TAFA2: variants seen among roughly 807,000 people sequenced by gnomAD.
TAFA2 encodes TAFA chemokine like family member 2, also known as chemokine-like protein TAFA-2.
TAFA2 carries 7 observed loss-of-function variants against 18.8 expected under a neutral mutation model. The observed-to-expected ratio is 0.37, with a 90% confidence interval of 0.21 to 0.70. TAFA2 has a LOEUF of 0.70. Among genes scored for constraint, TAFA2 ranks in the 30% least tolerant of loss-of-function variants. The probability of loss-of-function intolerance (pLI) is 0.53; values close to 1 mark genes in which losing one functional copy is unlikely to be tolerated. For missense variants in TAFA2, 122 were observed against 158.1 expected (o/e 0.77, Z 1.23); for synonymous variants, 60 against 54.2 (o/e 1.11, Z -0.47).
intron 1 of TAFA2, among the ~76,000 whole-genome samples, chr12:62,082,612 T>C (rs1592324566): frequency 6.6e-6 from 1 of 152,184 alleles, no homozygotes; most frequent in African/African-American, 2.4e-5. Context: ...CAAGTTTAGA[T>C]ATTTCTTCCA....
chr12:62,100,138 T>TACACAC (rs373455310), intron 1 of TAFA2, among the ~76,000 whole-genome samples: 4,229 of 145,744 alleles, frequency 0.029, 76 homozygotes, highest in East Asian at 0.065. Flanking sequence ...CAACTCCCTC[T>TACACAC]ACACACACAC....
intron 4 of TAFA2, among the ~76,000 whole-genome samples, chr12:61,712,968 T>C (rs1035766567): frequency 4.6e-5 from 7 of 152,150 alleles, no homozygotes; most frequent in African/African-American, 1.7e-4. Context: ...ACTATAAAAA[T>C]AAAAGGTCTG....
At chr12:62,108,855 G>C (rs1044752176) in intron 1 of TAFA2, among the ~76,000 whole-genome samples, 4 of 151,596 alleles carry the variant, frequency 2.6e-5, no homozygotes, top group Non-Finnish European at 4.4e-5. Context: ...CTAAATTTAA[G>C]TTCCTTGTAG....
At chr12:61,997,167 A>ATATGTGTGTGTGTGTGTGTG (rs1555182343) in intron 1 of TAFA2, among the ~76,000 whole-genome samples, 1 of 145,558 alleles carries the variant, frequency 6.9e-6, no homozygotes, top group Non-Finnish European at 1.5e-5. Context: ...ATATGTATAT[A>ATATGTGTGTGTGTGTGTGTG]TGTGTGTGTG....
rs532112798 is a variant in TAFA2 at position 61,942,112 on chromosome 12, G to A, written c.-1-74686C>T. ...AGCACGCAGCTGGAGATCTGAGAACGGGCAGACTGCCTCCTCAAGTGGGTC... is the reference window on the plus strand; with the variant it reads ...AGCACGCAGCTGGAGATCTGAGAACAGGCAGACTGCCTCCTCAAGTGGGTC... On this transcript the variant is annotated intron_variant, in intron 1 of 4. Transcript: ENST00000416284. Among the ~76,000 whole-genome samples, 226 of 151,000 alleles carry A rather than the reference G, an allele frequency of 1.5e-3. 3 individuals are homozygous for A. The highest frequency in any genetic ancestry group is 5.0e-3 in the African/African-American group (205 of 40,748).
chr12:61,893,309 G>A (rs1442926558), intron 1 of TAFA2, among the ~76,000 whole-genome samples: 1 of 152,196 alleles, frequency 6.6e-6, no homozygotes, highest in Non-Finnish European at 1.5e-5. Context: ...AGGAAAGTAG[G>A]AGGAACAGAA....
chr12:61,753,844 C>A, intron 3 of TAFA2, 98 bp from the exon 4 acceptor site: 1 of 1,084,902 alleles, frequency 9.2e-7, no homozygotes, highest in Middle Eastern at 2.3e-4. Context: ...ATTTTTCCTA[C>A]CAGTGGGAAT....
At chr12:62,109,935 G>T (rs1483175810) in intron 1 of TAFA2, among the ~76,000 whole-genome samples, 4 of 152,248 alleles carry the variant, frequency 2.6e-5, no homozygotes, top group Middle Eastern at 3.4e-3. Context: ...CAGAGTGAAT[G>T]TGACTTCCTC....
At chr12:62,125,808 A>G (rs77094296) in intron 1 of TAFA2, among the ~76,000 whole-genome samples, 2 of 152,016 alleles carry the variant, frequency 1.3e-5, no homozygotes, top group African/African-American at 4.8e-5. Context: ...AGTTACTTAA[A>G]CTTTTTGTTT....
At chr12:62,020,313 C>T (rs78166210) in intron 1 of TAFA2, among the ~76,000 whole-genome samples, 2,698 of 152,230 alleles carry the variant, frequency 0.018, 75 homozygotes, top group African/African-American at 0.061. Flanking sequence ...GGGAATATGC[C>T]CTCATTACAG....
intron 1 of TAFA2, among the ~76,000 whole-genome samples, chr12:62,208,817 C>T (rs1037285751): frequency 5.3e-5 from 8 of 152,234 alleles, no homozygotes; most frequent in Admixed American, 5.2e-4. Context: ...TGTCTTGAGC[C>T]ATAAGATTTT....
At chr12:61,823,792 T>A (rs1230292359) in intron 2 of TAFA2, among the ~76,000 whole-genome samples, 2 of 151,538 alleles carry the variant, frequency 1.3e-5, no homozygotes, top group Non-Finnish European at 2.9e-5. Flanking sequence ...GGGAGGAGAG[T>A]GCCCATAGAA....
chr12:62,181,997 C>CG (rs1555196491), intron 1 of TAFA2, among the ~76,000 whole-genome samples: 5 of 150,098 alleles, frequency 3.3e-5, no homozygotes, highest in African/African-American at 7.4e-5. Flanking sequence ...CCATCCCCCC[C>CG]CCGCTACACA....
At chr12:62,153,516 A>T (rs1345230404) in intron 1 of TAFA2, among the ~76,000 whole-genome samples, 1 of 152,046 alleles carries the variant, frequency 6.6e-6, no homozygotes, top group Non-Finnish European at 1.5e-5. Context: ...AATTAACATT[A>T]AAAATTAGCC....
At chr12:61,980,661 T>C (rs780657114) in intron 1 of TAFA2, among the ~76,000 whole-genome samples, 3 of 152,104 alleles carry the variant, frequency 2.0e-5, no homozygotes, top group Non-Finnish European at 4.4e-5. Context: ...TATACACCAT[T>C]AACAGACAAA....
At chr12:62,056,864 G>C (rs1882200875) in intron 1 of TAFA2, among the ~76,000 whole-genome samples, 1 of 152,180 alleles carries the variant, frequency 6.6e-6, no homozygotes, top group East Asian at 1.9e-4. Flanking sequence ...AAAGATGGGG[G>C]CCCGAAGGCG....
intron 1 of TAFA2, among the ~76,000 whole-genome samples, chr12:61,954,510 T>C (rs1878583551): frequency 6.6e-6 from 1 of 152,094 alleles, no homozygotes; most frequent in Non-Finnish European, 1.5e-5. Context: ...AATATTTTTC[T>C]TACCTGTGTA....
chr12:62,050,035 A>G (rs74470659), intron 1 of TAFA2, among the ~76,000 whole-genome samples: 1 of 152,360 alleles, frequency 6.6e-6, no homozygotes, highest in Non-Finnish European at 1.5e-5. Context: ...AATGCTGACT[A>G]GAGCAATTGC....
chr12:62,059,673 A>G (rs1188077584), intron 1 of TAFA2, among the ~76,000 whole-genome samples: 1 of 152,230 alleles, frequency 6.6e-6, no homozygotes, highest in Non-Finnish European at 1.5e-5. Flanking sequence ...TTCCAGGCAG[A>G]GTCAACAGCA....
Sources: gnomAD v4.1 joint callset for allele counts (sites outside exome capture counted in the v4.1 genomes callset) on GRCh38, gnomAD v4.1.1 for gene constraint, MANE v1.5 for transcripts, NCBI Gene and HGNC (gene_info 2026-07-23, HGNC 2026-07-21) for gene names.